FBXW7: variants seen among roughly 807,000 people sequenced by gnomAD.
FBXW7 encodes the protein F-box/WD repeat-containing protein 7.
In FBXW7, 11 loss-of-function variants were observed where a neutral mutation model predicts 86.3. The ratio of observed to expected loss-of-function variants is 0.13; its 90% confidence interval spans 0.08 to 0.21. The LOEUF is 0.21. FBXW7 is among the 10% of genes least tolerant of loss of function. The pLI is 1.00. For synonymous variants in FBXW7, 313 were observed against 297.9 expected, an observed-to-expected ratio of 1.05 and a Z score of -0.52; for missense variants, 488 against 847.4, an observed-to-expected ratio of 0.58 and a Z score of 5.27.
intron 2 of FBXW7, among the ~76,000 whole-genome samples, chr4:152,501,555 G>A (rs1401065105): frequency 2.0e-5 from 3 of 152,114 alleles, no homozygotes; most frequent in Non-Finnish European, 4.4e-5. Flanking sequence ...AAACCACAGA[G>A]GAGTTGAAGT....
intron 2 of FBXW7, among the ~76,000 whole-genome samples, chr4:152,511,002 G>A (rs981721273): frequency 7.9e-5 from 12 of 151,122 alleles, no homozygotes; most frequent in African/African-American, 2.9e-4. Context: ...AGAGTGCAGT[G>A]ATCACAGCTC....
At chr4:152,390,566 A>T (rs1735910225) in intron 4 of FBXW7, among the ~76,000 whole-genome samples, 1 of 152,136 alleles carries the variant, frequency 6.6e-6, no homozygotes, top group Non-Finnish European at 1.5e-5. Context: ...GTAATGACAG[A>T]GTAAGTGATT....
intron 2 of FBXW7, among the ~76,000 whole-genome samples, chr4:152,520,681 T>G (rs1219738456): frequency 6.6e-6 from 1 of 152,168 alleles, no homozygotes; most frequent in Admixed American, 6.5e-5. Context: ...ATATTCATCT[T>G]TCCAACAAAC....
chr4:152,535,320 T>A lies in FBXW7; in HGVS notation c.-406A>T. 3.1e-6 allele frequency: 1 copy of A among 325,544 alleles called. No individual in the cohort carries two copies. The highest frequency in any genetic ancestry group is 4.5e-5 in the East Asian group (1 of 22,118). 20.2% of individuals were successfully genotyped at this position (325,544 alleles called of 1,614,324 possible). ...CGGGACTGGGGCGGGGGAGGGGGGC[T>A]CTAGGAACTCCTCCCGGAGTCCAGC... On this transcript the variant is annotated 5_prime_UTR_variant, in exon 1 of 14. Coordinates refer to ENST00000281708, the MANE Select transcript of FBXW7 (RefSeq NM_001349798.2).
intron 2 of FBXW7, among the ~76,000 whole-genome samples, chr4:152,493,427 A>T (rs1348599205): frequency 6.6e-6 from 1 of 152,102 alleles, no homozygotes; most frequent in Non-Finnish European, 1.5e-5. Context: ...GGCCTCCCAA[A>T]GTGTTGGGAT....
chr4:152,461,184 C>T (rs867936635), intron 2 of FBXW7, among the ~76,000 whole-genome samples: 3 of 152,118 alleles, frequency 2.0e-5, no homozygotes, highest in Middle Eastern at 3.4e-3. Context: ...ACTCAGGAGG[C>T]GGAGGTTGTG....
rs1478705600 is a variant in FBXW7, at chr4:152,524,213, GGAATA to G, written c.-120+10723_-120+10727del. The stretch of plus-strand genomic sequence containing the variant: ...TCCCAGTTTTAAAAGAAACACACAT[GGAATA>G]AATAACTTGCCTGAAATCACAAAGC... On this transcript the variant is annotated intron_variant, in intron 2 of 13. Coordinates refer to ENST00000281708, the MANE Select transcript of FBXW7 (RefSeq NM_001349798.2). Among the ~76,000 whole-genome samples the G allele has an allele frequency of 2.0e-5, 3 of 152,186 alleles. No homozygotes were observed. The East Asian group carries it at 5.8e-4, about 29-fold the overall frequency.
chr4:152,326,326 T>C, intron 11 of FBXW7, 95 bp from the exon 12 acceptor site: 1 of 922,346 alleles, frequency 1.1e-6, no homozygotes, highest in Non-Finnish European at 1.6e-6. Context: ...TTAGTCAAGG[T>C]TTTTTAGCTT....
intron 4 of FBXW7, among the ~76,000 whole-genome samples, chr4:152,385,833 CTG>C (rs903887534): frequency 4.6e-5 from 7 of 151,936 alleles, no homozygotes; most frequent in African/African-American, 1.7e-4. Flanking sequence ...TAACAGAATC[CTG>C]TGTTTGTCAT....
intron 2 of FBXW7, among the ~76,000 whole-genome samples, chr4:152,466,484 G>A (rs1743452721): frequency 1.3e-5 from 2 of 151,804 alleles, no homozygotes; most frequent in Admixed American, 1.3e-4. Flanking sequence ...GAACCCGGGA[G>A]GCAGAGGTTG....
intron 2 of FBXW7, among the ~76,000 whole-genome samples, chr4:152,505,422 G>C (rs1241240427): frequency 6.6e-6 from 1 of 152,060 alleles, no homozygotes; most frequent in African/African-American, 2.4e-5. Flanking sequence ...TTTTTTGCCT[G>C]TTTTGTAATA....
intron 7 of FBXW7, among the ~76,000 whole-genome samples, chr4:152,334,746 C>T (rs1169547156): frequency 1.3e-5 from 2 of 152,098 alleles, no homozygotes; most frequent in Admixed American, 6.6e-5. Flanking sequence ...AATACTAAGG[C>T]GCTAAAGAAA....
chr4:152,448,991 G>A (rs548678957), intron 2 of FBXW7, among the ~76,000 whole-genome samples: 18 of 152,180 alleles, frequency 1.2e-4, no homozygotes, highest in African/African-American at 4.3e-4. Flanking sequence ...CTCTGTAAAT[G>A]CACACGATTT....
chr4:152,413,364 G>A (rs907490858), intron 2 of FBXW7, among the ~76,000 whole-genome samples: 7 of 152,024 alleles, frequency 4.6e-5, no homozygotes, highest in Admixed American at 3.9e-4. Context: ...TAAGTTGCAT[G>A]GTTTTCTTGG....
chr4:152,339,447 T>C (rs1490047277), intron 6 of FBXW7, among the ~76,000 whole-genome samples: 1 of 152,236 alleles, frequency 6.6e-6, no homozygotes, highest in Non-Finnish European at 1.5e-5. Flanking sequence ...ACATAACTGA[T>C]AGTGATCAAT....
At chr4:152,419,424 T>C (rs1738737620) in intron 2 of FBXW7, among the ~76,000 whole-genome samples, 1 of 151,026 alleles carries the variant, frequency 6.6e-6, no homozygotes, top group Non-Finnish European at 1.5e-5. Flanking sequence ...AAAATTACTC[T>C]TGTGTATACC....
At chr4:152,421,837 C>T (rs535902868) in intron 2 of FBXW7, among the ~76,000 whole-genome samples, 2 of 152,236 alleles carry the variant, frequency 1.3e-5, no homozygotes, top group African/African-American at 2.4e-5. Flanking sequence ...AGAATACATA[C>T]AACATTTATT....
intron 2 of FBXW7, among the ~76,000 whole-genome samples, chr4:152,531,076 C>A (rs1749988005): frequency 6.6e-6 from 1 of 152,170 alleles, no homozygotes; most frequent in Non-Finnish European, 1.5e-5. Context: ...CACACACACA[C>A]AAACATATAC....
chr4:152,394,517 G>A (rs767278585), intron 4 of FBXW7, among the ~76,000 whole-genome samples: 13 of 151,934 alleles, frequency 8.6e-5, no homozygotes, highest in Non-Finnish European at 2.9e-5. Context: ...TCAAACAGCT[G>A]AACTATATGC....
Sources: allele counts gnomAD v4.1 joint callset (sites outside exome capture counted in the v4.1 genomes callset), GRCh38; gene constraint gnomAD v4.1.1; transcripts MANE v1.5; gene names NCBI Gene and HGNC (gene_info 2026-07-23, HGNC 2026-07-21).